The following CLEC16A variants were observed in gnomAD, a reference collection of about 807,000 sequenced individuals.
CLEC16A encodes C-type lectin domain containing 16A, also known as protein CLEC16A.
In CLEC16A, 51 loss-of-function variants were observed where a neutral mutation model predicts 109.5. The ratio of observed to expected loss-of-function variants is 0.47; its 90% CI spans 0.37 to 0.59. CLEC16A has a LOEUF of 0.59. Ranked by LOEUF, CLEC16A falls within the 20% of genes least tolerant of loss-of-function variation. The probability of loss-of-function intolerance (pLI) is 0.00; values close to 1 mark genes in which losing one functional copy is unlikely to be tolerated. For synonymous variants in CLEC16A, 673 were observed against 564.2 expected, an observed-to-expected ratio of 1.19 and a Z score of -2.73; for missense variants, 1,339 against 1,394.0, an observed-to-expected ratio of 0.96 and a Z score of 0.63.
chr16:11,067,098 C>G (rs1450649838), intron 19 of CLEC16A, among the ~76,000 whole-genome samples: 2 of 149,620 alleles, frequency 1.3e-5, no homozygotes, highest in African/African-American at 4.9e-5. Context: ...ACAGTAGTGG[C>G]AACTGTATAC....
chr16:10,959,014 G>GGTGTGTGTGTGTGTGTGT (rs59658260), intron 2 of CLEC16A, among the ~76,000 whole-genome samples: 5 of 146,190 alleles, frequency 3.4e-5, no homozygotes, highest in African/African-American at 1.0e-4. Context: ...ACTAAACACG[G>GGTGTGTGTGTGTGTGTGT]GTGTGTGTGT....
In CLEC16A at chr16:11,049,297, C is replaced by T. The variant is rs561554976; in HGVS notation, c.1866+1955C>T. On this transcript the variant is annotated intron_variant, in intron 17 of 23. Coordinates refer to ENST00000409790, the MANE Select transcript of CLEC16A (RefSeq NM_015226.3). ...GTGGAATTACAGGCGTGAGCCACCGCACCTGGCAATTTTTTTTTTTAAATC... is the reference window on the plus strand; with the variant it reads ...GTGGAATTACAGGCGTGAGCCACCGTACCTGGCAATTTTTTTTTTTAAATC... Among the ~76,000 whole-genome samples the T allele has an allele frequency of 2.0e-5, 3 of 152,200 alleles. No individual in the cohort carries two copies. The South Asian group carries it at 6.2e-4, about 32-fold the overall frequency.
intron 10 of CLEC16A, among the ~76,000 whole-genome samples, chr16:10,998,231 G>C (rs948018044): frequency 3.3e-5 from 5 of 152,224 alleles, no homozygotes; most frequent in African/African-American, 1.2e-4. Context: ...CAGACGCTTA[G>C]GGAGTAGTTA....
chr16:11,171,060 C>T (rs1013186713), intron 23 of CLEC16A, among the ~76,000 whole-genome samples: 2 of 152,346 alleles, frequency 1.3e-5, no homozygotes, highest in Non-Finnish European at 2.9e-5. Flanking sequence ...GCCCATCTCC[C>T]TGGGGTCTGC....
At chr16:11,107,949 C>T (rs1285084003) in intron 19 of CLEC16A, among the ~76,000 whole-genome samples, 1 of 152,222 alleles carries the variant, frequency 6.6e-6, no homozygotes, top group Non-Finnish European at 1.5e-5. Context: ...CCGTGACTCA[C>T]CAGGTACTCC....
At chr16:11,068,616 ATGGCAGTTCCATGC>A (rs1419885352) in intron 19 of CLEC16A, among the ~76,000 whole-genome samples, 2 of 152,134 alleles carry the variant, frequency 1.3e-5, no homozygotes, top group Non-Finnish European at 2.9e-5. Context: ...CAGACAGTTG[ATGGCAGTTCCATGC>A]TGGTGGCAAA....
rs936564148 is a variant in CLEC16A, at chr16:10,977,327, T to C, written c.831T>C (p.Asp277=). The C allele has an allele frequency of 6.2e-6, 10 of 1,613,886 alleles. No homozygotes were observed. Among genetic ancestry groups the C allele is most frequent in the African/African-American group, 4.0e-5 (3 of 74,932 alleles). ...ILIINCEFLN[D]VLTDHLLNRL... is the part of the protein sequence containing the mutation. ...TCATCAACTGTGAGTTCCTCAACGA[T>C]GTGCTCACTGACCACCTGCTCAACA... The change falls in exon 8 of 24, where the codon GAT becomes GAC. Residue 277 remains aspartate, a synonymous_variant. Transcript: ENST00000409790.
chr16:11,165,889 A>G (rs189835736), intron 22 of CLEC16A, among the ~76,000 whole-genome samples: 1 of 152,144 alleles, frequency 6.6e-6, no homozygotes, highest in Non-Finnish European at 1.5e-5. Context: ...GGGCAGAGCA[A>G]ATTCTCTGGA....
At chr16:11,034,582 C>G (rs373566046) in intron 13 of CLEC16A, among the ~76,000 whole-genome samples, 1 of 152,122 alleles carries the variant, frequency 6.6e-6, no homozygotes, top group Non-Finnish European at 1.5e-5. Context: ...CCGCCCTCCA[C>G]CCCTGTCCAC....
intron 13 of CLEC16A, among the ~76,000 whole-genome samples, chr16:11,033,911 G>A (rs190000862): frequency 9.2e-5 from 14 of 152,304 alleles, no homozygotes; most frequent in East Asian, 1.9e-4. Context: ...TATCAAGTCC[G>A]CTGAGTCCTG....
At chr16:11,122,822 C>A (rs910499519) in intron 20 of CLEC16A, among the ~76,000 whole-genome samples, 21 of 150,748 alleles carry the variant, frequency 1.4e-4, no homozygotes, top group African/African-American at 5.1e-4. Flanking sequence ...TATTTTGCTA[C>A]ATGTTCATTT....
chr16:11,091,061 A>G (rs2050277622), intron 19 of CLEC16A, among the ~76,000 whole-genome samples: 1 of 152,020 alleles, frequency 6.6e-6, no homozygotes, highest in Non-Finnish European at 1.5e-5. Context: ...TGGCCTCCCA[A>G]GGTGTTGGGA....
intron 19 of CLEC16A, among the ~76,000 whole-genome samples, chr16:11,110,270 C>G (rs2051495920): frequency 6.6e-6 from 1 of 152,232 alleles, no homozygotes. Flanking sequence ...GCTAGTGATA[C>G]TGGTCAGGAC....
chr16:11,051,226 G>A (rs967459057), intron 17 of CLEC16A, among the ~76,000 whole-genome samples: 6 of 152,204 alleles, frequency 3.9e-5, no homozygotes, highest in Non-Finnish European at 8.8e-5. Context: ...GAGGTGGAGA[G>A]AGAATGCGAA....
chr16:11,051,741 C>T, intron 18 of CLEC16A, 100 bp downstream of exon 18: 2 of 1,459,318 alleles, frequency 1.4e-6, no homozygotes, highest in Non-Finnish European at 9.4e-7. Flanking sequence ...CAAGAGCCTG[C>T]CCTCAACACA....
At chr16:10,995,784 G>C (rs1160477313) in intron 10 of CLEC16A, among the ~76,000 whole-genome samples, 1 of 152,114 alleles carries the variant, frequency 6.6e-6, no homozygotes, top group Non-Finnish European at 1.5e-5. Context: ...AGGTCTGCCT[G>C]GGCATGTTTT....
chr16:11,006,883 CA>C (rs36056702), intron 11 of CLEC16A, among the ~76,000 whole-genome samples: 41,525 of 151,824 alleles, frequency 0.27, 5,727 homozygotes, highest in Middle Eastern at 0.33. Flanking sequence ...ATGGGTGACT[CA>C]TTCTGCAACC....
chr16:11,151,961 GA>G (rs1419802764), intron 22 of CLEC16A, among the ~76,000 whole-genome samples: 2 of 152,172 alleles, frequency 1.3e-5, no homozygotes, highest in East Asian at 3.8e-4. Context: ...GAACTACAGA[GA>G]ATGAGGCAGC....
chr16:11,043,630 C>T (rs139764121), intron 15 of CLEC16A, among the ~76,000 whole-genome samples: 65 of 151,898 alleles, frequency 4.3e-4, no homozygotes, highest in African/African-American at 1.3e-3. Context: ...TTTGGGAGGC[C>T]GAGGCGGGCA....
Sources: gnomAD v4.1 joint callset for allele counts (sites outside exome capture counted in the v4.1 genomes callset) on GRCh38, gnomAD v4.1.1 for gene constraint, MANE v1.5 for transcripts, NCBI Gene and HGNC (gene_info 2026-07-23, HGNC 2026-07-21) for gene names.